Variants in SCHIP1 observed in about 807,000 individuals in gnomAD.
SCHIP1 encodes the protein schwannomin interacting protein 1.
Under a neutral mutation model 29.7 loss-of-function variants are expected in SCHIP1, and 8 were observed. That is an observed-to-expected ratio of 0.27 (90% CI 0.16 to 0.49). SCHIP1 has a LOEUF of 0.49. SCHIP1 is among the 20% of genes least tolerant of loss of function. The pLI is 0.99. For missense variants in SCHIP1, 193 were observed against 294.6 expected (o/e 0.66, Z 2.52); for synonymous variants, 76 against 94.9 (o/e 0.80, Z 1.16).
intron 1 of SCHIP1, among the ~76,000 whole-genome samples, chr3:159,847,528 G>T (rs1343299695): frequency 1.3e-5 from 2 of 152,170 alleles, no homozygotes; most frequent in Non-Finnish European, 2.9e-5. Context: ...GACAATCAGT[G>T]TAGGAAAGCC....
the SCHIP1 span, among the ~76,000 whole-genome samples, chr3:159,486,295 T>C: frequency 6.6e-6 from 1 of 152,136 alleles, no homozygotes; most frequent in African/African-American, 2.4e-5. Flanking sequence ...CATTTCCCCA[T>C]TTCCCCCTAC....
At chr3:159,841,130 G>A (rs1744179439) in intron 1 of SCHIP1, among the ~76,000 whole-genome samples, 1 of 152,152 alleles carries the variant, frequency 6.6e-6, no homozygotes, top group Admixed American at 6.5e-5. Flanking sequence ...CCTTGTGTGA[G>A]GTCGGTTACC....
At chr3:159,868,992 G>T (rs1714947710) in intron 2 of SCHIP1, among the ~76,000 whole-genome samples, 1 of 151,968 alleles carries the variant, frequency 6.6e-6, no homozygotes, top group South Asian at 2.1e-4. Flanking sequence ...TGTGAAGATT[G>T]AATAGGTATA....
chr3:159,855,898 G>C (rs1713294584), intron 1 of SCHIP1, among the ~76,000 whole-genome samples: 1 of 152,154 alleles, frequency 6.6e-6, no homozygotes, highest in Non-Finnish European at 1.5e-5. Context: ...CCGAAGCAAA[G>C]GAAGAAAAAG....
the SCHIP1 span, among the ~76,000 whole-genome samples, chr3:159,652,368 T>C: frequency 6.6e-6 from 1 of 152,182 alleles, no homozygotes; most frequent in Non-Finnish European, 1.5e-5. Flanking sequence ...CGTTAAGAAG[T>C]ACATAAAGTA....
chr3:159,759,816 T>A, the SCHIP1 span, among the ~76,000 whole-genome samples: 6 of 152,246 alleles, frequency 3.9e-5, no homozygotes, highest in African/African-American at 1.4e-4. Flanking sequence ...AGGTTCAGCA[T>A]CGGGGCTAAT....
chr3:159,760,253 C>A, the SCHIP1 span, among the ~76,000 whole-genome samples: 9 of 152,130 alleles, frequency 5.9e-5, no homozygotes, highest in Non-Finnish European at 1.2e-4. Flanking sequence ...GCTGTTCTTG[C>A]CAGATGCCTT....
the SCHIP1 span, among the ~76,000 whole-genome samples, chr3:159,358,139 T>A: frequency 2.0e-5 from 3 of 152,202 alleles, no homozygotes; most frequent in Non-Finnish European, 2.9e-5. Context: ...ATGGCTGTCA[T>A]GGAAGCAAAC....
chr3:159,382,763 C>T, the SCHIP1 span, among the ~76,000 whole-genome samples: 2 of 152,198 alleles, frequency 1.3e-5, no homozygotes, highest in African/African-American at 4.8e-5. Context: ...TCCTCTCCAG[C>T]ACCTGCTGTT....
the SCHIP1 span, among the ~76,000 whole-genome samples, chr3:159,494,755 T>G: frequency 2.8e-4 from 42 of 152,192 alleles, no homozygotes; most frequent in Non-Finnish European, 4.1e-4. Context: ...CTCATTTTTT[T>G]AGGCCAGCAT....
the SCHIP1 span, among the ~76,000 whole-genome samples, chr3:159,300,578 A>C: frequency 1.3e-5 from 2 of 152,294 alleles, no homozygotes; most frequent in South Asian, 4.1e-4. Flanking sequence ...ACATTTGGCC[A>C]AAACTGAACT....
chr3:159,445,593 C>T, the SCHIP1 span, among the ~76,000 whole-genome samples: 1 of 152,096 alleles, frequency 6.6e-6, no homozygotes, highest in Non-Finnish European at 1.5e-5. Context: ...TTTATTGCAG[C>T]ACTATTCACA....
At chr3:159,821,994 G>A in the SCHIP1 span, among the ~76,000 whole-genome samples, 1 of 152,136 alleles carries the variant, frequency 6.6e-6, no homozygotes, top group Non-Finnish European at 1.5e-5. Context: ...AGAGCAGGAT[G>A]GTGTGAGATT....
the SCHIP1 span, among the ~76,000 whole-genome samples, chr3:159,759,196 AG>A: frequency 6.6e-6 from 1 of 152,238 alleles, no homozygotes; most frequent in East Asian, 1.9e-4. Context: ...TGTAAGTGAA[AG>A]TGAGAAGAAA....
the SCHIP1 span, among the ~76,000 whole-genome samples, chr3:159,761,563 G>A: frequency 6.6e-6 from 1 of 152,192 alleles, no homozygotes; most frequent in Middle Eastern, 3.2e-3. Flanking sequence ...AGTTGGCAGG[G>A]CTTCCTGTTC....
chr3:159,439,184 T>C, the SCHIP1 span, among the ~76,000 whole-genome samples: 1 of 152,210 alleles, frequency 6.6e-6, no homozygotes, highest in Non-Finnish European at 1.5e-5. Context: ...ACCGCCATTC[T>C]GACTGGTGTG....
At chr3:159,775,136 G>A in the SCHIP1 span, among the ~76,000 whole-genome samples, 1 of 152,140 alleles carries the variant, frequency 6.6e-6, no homozygotes, top group Non-Finnish European at 1.5e-5. Context: ...CAATTCAAGA[G>A]GGTTTTATTG....
chr3:159,507,817 C>T, the SCHIP1 span, among the ~76,000 whole-genome samples: 1 of 152,102 alleles, frequency 6.6e-6, no homozygotes, highest in Admixed American at 6.5e-5. Context: ...GGGATGAAGC[C>T]CACTTGATCA....
At chr3:159,602,474 G>T in the SCHIP1 span, among the ~76,000 whole-genome samples, 1 of 152,126 alleles carries the variant, frequency 6.6e-6, no homozygotes, top group East Asian at 1.9e-4. Flanking sequence ...ACTTTGGGAG[G>T]CCAAGGCAAG....
Sources: allele counts gnomAD v4.1 joint callset (sites outside exome capture counted in the v4.1 genomes callset), GRCh38; gene constraint gnomAD v4.1.1; transcripts MANE v1.5; gene names NCBI Gene and HGNC (gene_info 2026-07-23, HGNC 2026-07-21).